The following GREB1 variants were observed in gnomAD, a reference collection of about 807,000 sequenced individuals.
GREB1 encodes the protein protein GREB1.
A neutral mutation model predicts 200.7 loss-of-function variants in GREB1; 106 were observed. That is an observed-to-expected ratio of 0.53 (90% confidence interval 0.45 to 0.62). The LOEUF (loss-of-function observed/expected upper bound fraction) is 0.62. Among genes scored for constraint, GREB1 ranks in the 20% least tolerant of loss-of-function variants. The probability of loss-of-function intolerance (pLI) is 0.00; values close to 1 mark genes in which losing one functional copy is unlikely to be tolerated. For synonymous variants in GREB1, 1,132 were observed against 1,092.4 expected, an observed-to-expected ratio of 1.04 and a Z score of -0.72; for missense variants, 2,243 against 2,556.8, an observed-to-expected ratio of 0.88 and a Z score of 2.65.
chr2:11,570,037 C>A (rs1308780604), intron 4 of GREB1, among the ~76,000 whole-genome samples: 1 of 152,174 alleles, frequency 6.6e-6, no homozygotes, highest in Admixed American at 6.5e-5. Flanking sequence ...CCTCTTCTCC[C>A]TTTCTGGGAT....
chr2:11,495,053 C>A (rs184561416), intron 1 of GREB1, among the ~76,000 whole-genome samples: 2 of 152,254 alleles, frequency 1.3e-5, no homozygotes, highest in Admixed American at 6.5e-5. Context: ...GGGTCTCCCC[C>A]GCTTGCCCCT....
At chr2:11,582,805 A>G (rs1420871643) in intron 7 of GREB1, among the ~76,000 whole-genome samples, 7 of 152,218 alleles carry the variant, frequency 4.6e-5, no homozygotes, top group Admixed American at 3.3e-4. Context: ...CTCAAAATCA[A>G]TTTTTAAGAA....
At chr2:11,598,540 T>C in intron 14 of GREB1, 140 bp from the exon 15 acceptor site, 2 of 771,018 alleles carry the variant, frequency 2.6e-6, no homozygotes, top group Non-Finnish European at 4.3e-6. Flanking sequence ...TGGGAGTTTT[T>C]TCCCTTCCTT....
intron 1 of GREB1, among the ~76,000 whole-genome samples, chr2:11,537,881 A>G (rs115420165): frequency 0.018 from 2,763 of 152,050 alleles, 39 homozygotes; most frequent in Non-Finnish European, 0.027. Context: ...CAGTAAATGT[A>G]TCTTGCTGAA....
At chr2:11,632,420 C>G (rs1418514923) in intron 27 of GREB1, among the ~76,000 whole-genome samples, 1 of 147,786 alleles carries the variant, frequency 6.8e-6, no homozygotes, top group East Asian at 2.0e-4. Flanking sequence ...CTCACTGCAG[C>G]CTTTGTCTTA....
At chr2:11,608,997 G>A (rs1250440011) in intron 17 of GREB1, among the ~76,000 whole-genome samples, 1 of 152,136 alleles carries the variant, frequency 6.6e-6, no homozygotes, top group Non-Finnish European at 1.5e-5. Context: ...CCCAGAAACT[G>A]TAGGCAGAAG....
chr2:11,487,907 A>T (rs1672691926), intron 1 of GREB1, among the ~76,000 whole-genome samples: 1 of 152,126 alleles, frequency 6.6e-6, no homozygotes, highest in South Asian at 2.1e-4. Context: ...ACTGCCTGGG[A>T]GGTTGTGGCA....
chr2:11,609,116 G>T (rs1159606955), intron 17 of GREB1, among the ~76,000 whole-genome samples: 1 of 152,138 alleles, frequency 6.6e-6, no homozygotes, highest in African/African-American at 2.4e-5. Flanking sequence ...CAGTTTTTCA[G>T]CTGTTTCAGA....
chr2:11,500,897 A>G (rs1673020296), intron 1 of GREB1, among the ~76,000 whole-genome samples: 1 of 152,230 alleles, frequency 6.6e-6, no homozygotes, highest in South Asian at 2.1e-4. Context: ...GAAAGTGGAG[A>G]GAGTGACAGG....
intron 26 of GREB1, among the ~76,000 whole-genome samples, chr2:11,630,555 G>T (rs574194887): frequency 6.6e-6 from 1 of 152,224 alleles, no homozygotes; most frequent in African/African-American, 2.4e-5. Flanking sequence ...AATCCCTAGG[G>T]CCCATTACCA....
At position 11,635,266 on chromosome 2, in the gene GREB1, G is replaced by A; in HGVS notation, c.5211-4G>A. On this transcript the variant is annotated splice_region_variant and splice_polypyrimidine_tract_variant and intron_variant, in intron 29 of 32. Coordinates refer to ENST00000381486, the MANE Select transcript of GREB1 (RefSeq NM_014668.4). ...AGACCCACCCCTCCTCTGGCCCTGA[G>A]TAGGTTCCTGTGTGACGATGTAGAC... 3 of 1,614,166 alleles carry A rather than the reference G, an allele frequency of 1.9e-6. No homozygotes were observed. The highest frequency in any genetic ancestry group is 2.2e-5 in the South Asian group (2 of 91,084).
At chr2:11,537,120 G>A (rs532918985) in intron 1 of GREB1, among the ~76,000 whole-genome samples, 5 of 152,128 alleles carry the variant, frequency 3.3e-5, no homozygotes, top group Non-Finnish European at 4.4e-5. Context: ...CCGCCACCGC[G>A]CCTGGCTGAT....
chr2:11,523,319 AC>A (rs546789107), intron 1 of GREB1, among the ~76,000 whole-genome samples: 284 of 151,080 alleles, frequency 1.9e-3, no homozygotes, highest in African/African-American at 6.2e-3. Context: ...TCTGTGCAAA[AC>A]CCCCCCCATG....
At chr2:11,567,440 T>G (rs921542318) in intron 4 of GREB1, among the ~76,000 whole-genome samples, 2 of 152,166 alleles carry the variant, frequency 1.3e-5, no homozygotes, top group Admixed American at 1.3e-4. Context: ...GTGGTCTTTA[T>G]TACCCCAGTT....
intron 1 of GREB1, among the ~76,000 whole-genome samples, chr2:11,502,079 G>A (rs1043496266): frequency 9.9e-5 from 15 of 150,764 alleles, no homozygotes; most frequent in African/African-American, 3.7e-4. Flanking sequence ...ACCACACCTG[G>A]CTAATTTTTG....
chr2:11,573,566 C>T (rs1400438886), intron 4 of GREB1, among the ~76,000 whole-genome samples: 1 of 152,200 alleles, frequency 6.6e-6, no homozygotes, highest in Non-Finnish European at 1.5e-5. Flanking sequence ...GGAGGGTTGG[C>T]ATTTCCGGTC....
Position 11,627,032 on chromosome 2 carries a change from G to T in GREB1, c.4377G>T (p.Lys1459Asn). 6.2e-7 allele frequency: 1 copy of T among 1,614,108 alleles called. No homozygotes were observed. Among genetic ancestry groups the T allele is most frequent in the Non-Finnish European group, 8.5e-7 (1 of 1,179,934 alleles). ...RRQTARMRLS[K>N]YAAYNTYHHC... ...AGACGGCACGGATGAGACTGTCCAA[G>T]TACGCAGCGTACAACACTTACCACC... Residue 1459 changes from lysine (K) to asparagine (N), a missense_variant, in exon 25 of 33, where the codon AAG (lysine) becomes AAT (asparagine). Around this residue, in one of 3 missense-constraint regions of GREB1, gnomAD observed 587 missense variants for 553.1 expected, o/e 1.06. Transcript: ENST00000381486.
At chr2:11,613,173 A>G (rs916653944) in intron 19 of GREB1, among the ~76,000 whole-genome samples, 2 of 152,164 alleles carry the variant, frequency 1.3e-5, no homozygotes, top group African/African-American at 4.8e-5. Flanking sequence ...TCTTAGCCAC[A>G]TATCCACTCG....
intron 3 of GREB1, among the ~76,000 whole-genome samples, chr2:11,563,590 C>T (rs976388437): frequency 2.0e-5 from 3 of 152,222 alleles, no homozygotes; most frequent in Non-Finnish European, 4.4e-5. Context: ...ACAACTGGAA[C>T]GTGCAGGCCA....
Sources: gnomAD v4.1 joint callset for allele counts (sites outside exome capture counted in the v4.1 genomes callset) on GRCh38, gnomAD v4.1.1 for gene constraint, gnomAD v4.1.1 regional missense constraint, MANE v1.5 for transcripts, NCBI Gene and HGNC (gene_info 2026-07-23, HGNC 2026-07-21) for gene names.